Variants in ADGRG6 observed in about 807,000 individuals in gnomAD.
ADGRG6 encodes adhesion G protein-coupled receptor G6.
A neutral mutation model predicts 142.4 loss-of-function variants in ADGRG6; 84 were observed. That is an observed-to-expected ratio of 0.59 (90% CI 0.49 to 0.71). ADGRG6 has a LOEUF of 0.71. Among genes scored for constraint, ADGRG6 ranks in the 30% least tolerant of loss-of-function variants. The pLI, the probability that ADGRG6 is intolerant of heterozygous loss-of-function variation, is 0.00. For synonymous variants in ADGRG6, 521 were observed against 520.5 expected (o/e 1.00, Z -0.01); for missense variants, 1,367 against 1,466.6 (o/e 0.93, Z 1.11).
At chr6:142,427,658 G>A (rs1269162864) in intron 22 of ADGRG6, among the ~76,000 whole-genome samples, 1 of 152,056 alleles carries the variant, frequency 6.6e-6, no homozygotes, top group African/African-American at 2.4e-5. Context: ...TCACACTACG[G>A]ATAAACACAT....
Position 142,370,227 on chromosome 6 carries a change from A to C in ADGRG6, c.503A>C (p.Gln168Pro). ...TTACCCCAGACATCAGATGCTTACC[A>C]GGTATCTGTTGCAAAAAGCATCTCT... ...VILPQTSDAY[Q>P]VSVAKSISIP... Residue 168 changes from glutamine to proline, a missense_variant, in exon 4 of 25, where the codon CAG becomes CCG. Gln to Pro is a moderately conservative substitution (Grantham distance 76). Around this residue, in one of 3 missense-constraint regions of ADGRG6, gnomAD observed 737 missense variants for 746.5 expected, o/e 0.99. Transcript: ENST00000367609. The C allele has an allele frequency of 6.2e-7, 1 of 1,610,036 alleles. No individual in the cohort carries two copies. The highest frequency in any genetic ancestry group is 8.5e-7 in the Non-Finnish European group (1 of 1,176,436).
chr6:142,415,987 A>G lies in ADGRG6; in HGVS notation c.2861A>G (p.His954Arg). 1.2e-6 allele frequency: 2 copies of G among 1,611,978 alleles called. No homozygotes were observed. The highest frequency in any genetic ancestry group is 1.7e-6 in the Non-Finnish European group (2 of 1,178,234). Residue 954 changes from histidine to arginine, a missense_variant, in exon 20 of 25, where the codon CAC (histidine) becomes CGC (arginine). Physicochemically the swap from His to Arg is conservative, Grantham distance 29 (BLOSUM62 0). Coordinates refer to ENST00000367609, the MANE Select transcript of ADGRG6 (RefSeq NM_198569.3). ...ACCTGGATGGGGCTAGAAGCAATTC[A>G]CATGTACATTGCTCTAGTTAAAGTA... The part of the protein sequence containing the change: ...TFTWMGLEAI[H>R]MYIALVKVFN...
intron 1 of ADGRG6, among the ~76,000 whole-genome samples, chr6:142,303,861 GA>G (rs1777350557): frequency 6.6e-6 from 1 of 152,110 alleles, no homozygotes; most frequent in Admixed American, 6.5e-5. Context: ...TCCTGATCAT[GA>G]AATTAAGTTA....
chr6:142,440,017 A>T (rs1370671672), intron 24 of ADGRG6, among the ~76,000 whole-genome samples: 1 of 152,226 alleles, frequency 6.6e-6, no homozygotes, highest in Non-Finnish European at 1.5e-5. Flanking sequence ...ATGAATAGGA[A>T]TTAAACCAAA....
rs778260362 is a variant in ADGRG6 at position 142,370,315 on chromosome 6, T to C, written c.591T>C (p.Ser197=). The change falls in exon 4 of 25, where the codon AGT becomes AGC. Residue 197 remains serine (S), a synonymous_variant. Coordinates refer to ENST00000367609, the MANE Select transcript of ADGRG6 (RefSeq NM_198569.3). ...CAACCAAAGTTGGCCATGAAGACAG[T>C]GATTGGACAGCTTTCTCCTACTCAA... ...FEATKVGHED[S]DWTAFSYSNA... is the part of the protein sequence containing the mutation. 6.2e-7 allele frequency: 1 copy of C among 1,613,806 alleles called. No individual in the cohort carries two copies. Among genetic ancestry groups the C allele is most frequent in the Non-Finnish European group, 8.5e-7 (1 of 1,179,778 alleles).
chr6:142,330,282 C>G (rs1255428488), intron 2 of ADGRG6, among the ~76,000 whole-genome samples: 2 of 151,756 alleles, frequency 1.3e-5, no homozygotes, highest in Admixed American at 1.3e-4. Flanking sequence ...GTACAGCAAA[C>G]CCCCGTGACC....
chr6:142,353,733 A>G (rs558399023), intron 2 of ADGRG6, among the ~76,000 whole-genome samples: 1 of 152,318 alleles, frequency 6.6e-6, no homozygotes, highest in Non-Finnish European at 1.5e-5. Context: ...GGATTTACAC[A>G]TCTTCTTACA....
At chr6:142,406,565 G>A (rs1197131740) in intron 15 of ADGRG6, among the ~76,000 whole-genome samples, 3 of 152,122 alleles carry the variant, frequency 2.0e-5, no homozygotes, top group African/African-American at 7.2e-5. Context: ...TAATAGATCT[G>A]CCTTTATATG....
chr6:142,328,678 G>A (rs1440436763), intron 2 of ADGRG6, among the ~76,000 whole-genome samples: 2 of 152,128 alleles, frequency 1.3e-5, no homozygotes, highest in African/African-American at 4.8e-5. Flanking sequence ...GTCTGGTCTT[G>A]GAACCAACAG....
chr6:142,390,864 C>G lies in ADGRG6; in HGVS notation c.1308+521C>G, dbSNP rs564702436. Among the ~76,000 whole-genome samples, 4 of 151,844 alleles carry G rather than the reference C, an allele frequency of 2.6e-5. No homozygotes were observed. In the South Asian group the frequency reaches 8.3e-4, roughly 31 times the overall value. On this transcript the variant is annotated intron_variant, in intron 7 of 24. Transcript: ENST00000367609. ...ATGAAAGAAAATTAAACTATAGATT[C>G]TTATTTTCCTTCTTTTTTACACGAA...
At chr6:142,377,807 C>T (rs1418208654) in intron 4 of ADGRG6, among the ~76,000 whole-genome samples, 1 of 152,038 alleles carries the variant, frequency 6.6e-6, no homozygotes, top group Non-Finnish European at 1.5e-5. Flanking sequence ...TTTGTATATA[C>T]TTTTGATAGT....
chr6:142,314,758 ACTT>A (rs1216200312), intron 2 of ADGRG6, among the ~76,000 whole-genome samples: 3 of 152,172 alleles, frequency 2.0e-5, no homozygotes, highest in African/African-American at 4.8e-5. Context: ...GTGATAACAG[ACTT>A]CTTCTAAGTA....
At chr6:142,420,672 A>G (rs939579154) in intron 22 of ADGRG6, among the ~76,000 whole-genome samples, 2 of 152,210 alleles carry the variant, frequency 1.3e-5, no homozygotes, top group Non-Finnish European at 2.9e-5. Flanking sequence ...TTAGTTCAAC[A>G]ATTCAACAAA....
chr6:142,323,779 G>C (rs1778631048), intron 2 of ADGRG6, among the ~76,000 whole-genome samples: 1 of 151,980 alleles, frequency 6.6e-6, no homozygotes, highest in African/African-American at 2.4e-5. Context: ...AATGTGTCTG[G>C]GAAAGGTACA....
Position 142,416,428 on chromosome 6 carries a change from C to G in ADGRG6, c.2938+364C>G, listed in dbSNP as rs1776362081. ...AGGCCAGCTCAGACGGCTAGTTACA[C>G]TCATCCCCAGACACATGCCTATGTC... On this transcript the variant is annotated intron_variant, in intron 20 of 24. Transcript: ENST00000367609. 1.3e-5 allele frequency among the ~76,000 whole-genome samples: 2 copies of G among 152,186 alleles called. 1 individual carries two copies. Among genetic ancestry groups the G allele is most frequent in the South Asian group, 4.1e-4 (2 of 4,830 alleles).
chr6:142,388,146 C>G (rs1020737223), intron 6 of ADGRG6, among the ~76,000 whole-genome samples: 3 of 152,138 alleles, frequency 2.0e-5, no homozygotes, highest in South Asian at 2.1e-4. Context: ...CTCATCAGCC[C>G]TTCAGTGGGC....
At chr6:142,390,450 A>T in intron 7 of ADGRG6, 107 bp downstream of exon 7, 2 of 572,860 alleles carry the variant, frequency 3.5e-6, no homozygotes, top group Non-Finnish European at 6.4e-6. Context: ...CACAGATGGT[A>T]TTCATTAGAA....
chr6:142,335,624 C>T (rs1779273719), intron 2 of ADGRG6, among the ~76,000 whole-genome samples: 2 of 151,872 alleles, frequency 1.3e-5, no homozygotes, highest in Admixed American at 1.3e-4. Context: ...GTTGAGATCC[C>T]GATTTGGAAG....
chr6:142,423,444 T>A (rs1776764789), intron 22 of ADGRG6, among the ~76,000 whole-genome samples: 1 of 152,136 alleles, frequency 6.6e-6, no homozygotes, highest in African/African-American at 2.4e-5. Context: ...CCCCATTGCT[T>A]GTTTTTCTCA....
Sources: allele counts gnomAD v4.1 joint callset (sites outside exome capture counted in the v4.1 genomes callset), GRCh38; gene constraint gnomAD v4.1.1; regional missense constraint gnomAD v4.1.1; transcripts MANE v1.5; gene names NCBI Gene and HGNC (gene_info 2026-07-23, HGNC 2026-07-21).